Variants in GPC3 observed in about 807,000 individuals in gnomAD.
The protein encoded by GPC3 is glypican 3.
A neutral mutation model predicts 34.4 loss-of-function variants in GPC3; 3 were observed. The observed-to-expected ratio is 0.09, with a 90% confidence interval of 0.04 to 0.23. The LOEUF (loss-of-function observed/expected upper bound fraction) is 0.23, where lower values mean the gene tolerates loss of function less well. Ranked by LOEUF, GPC3 falls within the 10% of genes least tolerant of loss-of-function variation. The probability of loss-of-function intolerance (pLI) is 1.00; values close to 1 mark genes in which losing one functional copy is unlikely to be tolerated. For synonymous variants in GPC3, 177 were observed against 174.0 expected (o/e 1.02, Z -0.13); for missense variants, 351 against 445.6 (o/e 0.79, Z 1.91).
At chrX:133,613,861 T>C (rs1021809852) in intron 6 of GPC3, among the ~76,000 whole-genome samples, 2 of 112,115 alleles carry the variant, frequency 1.8e-5, no homozygotes, top group Non-Finnish European at 3.8e-5. Context: ...TCTAAAGAAT[T>C]AAAGAAGTGT....
At chrX:133,901,695 T>C (rs1184592503) in intron 2 of GPC3, among the ~76,000 whole-genome samples, 1 of 111,731 alleles carries the variant, frequency 9.0e-6, no homozygotes, top group Non-Finnish European at 1.9e-5. Flanking sequence ...CGCCTCGGCC[T>C]CCCAAGTTGC....
intron 1 of GPC3, among the ~76,000 whole-genome samples, chrX:133,956,497 A>T (rs1215962716): frequency 2.7e-5 from 3 of 112,294 alleles, no homozygotes; most frequent in Non-Finnish European, 3.8e-5. Context: ...ATATGTAGAC[A>T]TGAAAAATCC....
intron 3 of GPC3, among the ~76,000 whole-genome samples, chrX:133,724,233 T>C (rs2071391345): frequency 8.9e-6 from 1 of 112,181 alleles, no homozygotes; most frequent in African/African-American, 3.2e-5. Context: ...GCTCGCAGTC[T>C]TTACTTGAGG....
At chrX:133,627,117 A>G (rs1295151946) in intron 6 of GPC3, among the ~76,000 whole-genome samples, 9 of 94,090 alleles carry the variant, frequency 9.6e-5, no homozygotes, top group Non-Finnish European at 1.5e-4. Context: ...TTAACAATGA[A>G]AACAACTGGA....
chrX:133,580,943 G>A (rs1442653120), intron 7 of GPC3, among the ~76,000 whole-genome samples: 1 of 112,136 alleles, frequency 8.9e-6, no homozygotes, highest in Non-Finnish European at 1.9e-5. Context: ...TATGGTCGGT[G>A]GTTCAAAAAA....
chrX:133,818,391 G>T (rs1418766352), intron 2 of GPC3, among the ~76,000 whole-genome samples: 2 of 111,604 alleles, frequency 1.8e-5, no homozygotes, highest in African/African-American at 6.5e-5. Flanking sequence ...AGACTGCATG[G>T]CCCTCTCCCT....
rs1036955101 is a variant in GPC3, at chrX:133,915,377, G to A, written c.337+37673C>T. Among the ~76,000 whole-genome samples the A allele has an allele frequency of 3.6e-5, 4 of 110,676 alleles. No homozygotes were observed. In the Admixed American group the frequency reaches 3.9e-4, roughly 11 times the overall value. ...CTTAGTAGAGACAGGGTTTCACTAT[G>A]TTGGCCAGGCTGTTCTTGAACTCCT... On this transcript the variant is annotated intron_variant, in intron 2 of 7. Transcript: ENST00000370818.
intron 2 of GPC3, among the ~76,000 whole-genome samples, chrX:133,933,036 T>C (rs2076305546): frequency 8.9e-6 from 1 of 111,751 alleles, no homozygotes; most frequent in Admixed American, 9.5e-5. Context: ...CTTATTCTTA[T>C]AACTAATATA....
intron 6 of GPC3, among the ~76,000 whole-genome samples, chrX:133,636,584 T>C (rs1353032405): frequency 8.9e-6 from 1 of 112,167 alleles, no homozygotes; most frequent in Non-Finnish European, 1.9e-5. Flanking sequence ...GGAGAATCGC[T>C]TGAACCCAGG....
chrX:133,896,906 C>CTTTT (rs1377700485), intron 2 of GPC3, among the ~76,000 whole-genome samples: 1 of 92,438 alleles, frequency 1.1e-5, no homozygotes, highest in Non-Finnish European at 2.1e-5. Flanking sequence ...ACTCTGTGAC[C>CTTTT]TTTTTTTTTT....
At chrX:133,731,017 G>T (rs185970699) in intron 3 of GPC3, among the ~76,000 whole-genome samples, 10 of 112,295 alleles carry the variant, frequency 8.9e-5, no homozygotes, top group African/African-American at 3.2e-4. Context: ...AAGAAGAAAT[G>T]ATTTTTTAAA....
intron 1 of GPC3, among the ~76,000 whole-genome samples, chrX:133,970,907 C>T (rs376953113): frequency 2.7e-5 from 3 of 111,356 alleles, no homozygotes; most frequent in Non-Finnish European, 5.7e-5. Flanking sequence ...AGAAAAAATA[C>T]CAAGGAATAG....
intron 2 of GPC3, among the ~76,000 whole-genome samples, chrX:133,911,911 T>C (rs1301988215): frequency 9.0e-6 from 1 of 111,683 alleles, no homozygotes; most frequent in Non-Finnish European, 1.9e-5. Flanking sequence ...GATTCTTGAG[T>C]AGTATCAAGT....
rs755221081 is a variant in GPC3 at position 133,699,950 on chromosome X, T to G, written c.1111A>C (p.Lys371Gln). The change falls in exon 4 of 8, where the codon AAA becomes CAA. Residue 371 changes from lysine to glutamine, a missense_variant. Transcript: ENST00000370818. ...YYPEDLFIDK[K>Q]VLKVAHVEHE... ...TCTACATGAGCAACTTTTAATACTT[T>G]CTTGTCAATAAAGAGATCTTCAGGA... The G allele has an allele frequency of 8.3e-7, 1 of 1,199,321 alleles. No homozygotes were observed. Among genetic ancestry groups the G allele is most frequent in the Non-Finnish European group, 1.1e-6 (1 of 884,573 alleles).
intron 7 of GPC3, among the ~76,000 whole-genome samples, chrX:133,566,255 G>A (rs1292305256): frequency 4.5e-5 from 5 of 111,489 alleles, no homozygotes; most frequent in Non-Finnish European, 7.5e-5. Context: ...TGATATTGCC[G>A]ATTCCAGCAA....
intron 2 of GPC3, among the ~76,000 whole-genome samples, chrX:133,788,105 T>C (rs1232889694): frequency 2.3e-5 from 2 of 88,826 alleles, no homozygotes; most frequent in Admixed American, 1.2e-4. Context: ...TATATATATA[T>C]ATATATATAT....
At chrX:133,792,779 A>G (rs2072178922) in intron 2 of GPC3, among the ~76,000 whole-genome samples, 1 of 111,736 alleles carries the variant, frequency 8.9e-6, no homozygotes, top group Non-Finnish European at 1.9e-5. Context: ...AGGGTTCAGT[A>G]AAGACTTCAT....
At chrX:133,807,013 A>T (rs2075639973) in intron 2 of GPC3, among the ~76,000 whole-genome samples, 1 of 111,751 alleles carries the variant, frequency 8.9e-6, no homozygotes, top group Admixed American at 9.5e-5. Flanking sequence ...AACGAGTGAA[A>T]AAAAGCATCC....
chrX:133,880,803 A>G (rs976756045), intron 2 of GPC3, among the ~76,000 whole-genome samples: 1 of 111,904 alleles, frequency 8.9e-6, no homozygotes, highest in African/African-American at 3.2e-5. Context: ...ATTTAAAATA[A>G]GATGAGGCAG....
Sources: gnomAD v4.1 joint callset for allele counts (sites outside exome capture counted in the v4.1 genomes callset) on GRCh38, gnomAD v4.1.1 for gene constraint, MANE v1.5 for transcripts, NCBI Gene and HGNC (gene_info 2026-07-23, HGNC 2026-07-21) for gene names.